SIPA1L3: variants seen among roughly 807,000 people sequenced by gnomAD.
The protein encoded by SIPA1L3 is signal-induced proliferation-associated 1-like protein 3.
SIPA1L3 carries 59 observed loss-of-function variants against 150.1 expected under a neutral mutation model. The observed-to-expected ratio is 0.39, with a 90% confidence interval of 0.32 to 0.49. SIPA1L3 has a LOEUF of 0.49. Among genes scored for constraint, SIPA1L3 ranks in the 20% least tolerant of loss-of-function variants. SIPA1L3 has a pLI of 0.86. For missense variants in SIPA1L3, 2,211 were observed against 2,489.5 expected, an observed-to-expected ratio of 0.89 and a Z score of 2.38; for synonymous variants, 1,070 against 1,077.6, an observed-to-expected ratio of 0.99 and a Z score of 0.14.
chr19:38,014,879 C>T (rs146394130), intron 1 of SIPA1L3, among the ~76,000 whole-genome samples: 3 of 152,058 alleles, frequency 2.0e-5, no homozygotes, highest in African/African-American at 7.2e-5. Flanking sequence ...CTGTGTTAGC[C>T]AGGATGGTCT....
intron 9 of SIPA1L3, among the ~76,000 whole-genome samples, chr19:38,130,226 G>A (rs1227794906): frequency 6.6e-6 from 1 of 152,190 alleles, no homozygotes; most frequent in Non-Finnish European, 1.5e-5. Flanking sequence ...GAGGGAGTTC[G>A]GGGCCTTTGG....
intron 3 of SIPA1L3, among the ~76,000 whole-genome samples, chr19:38,088,011 G>GA (rs1248172187): frequency 2.1e-4 from 31 of 149,324 alleles, no homozygotes; most frequent in African/African-American, 5.8e-4. Context: ...GTCTCAAAAA[G>GA]AAAAAAAAAG....
Position 38,043,255 on chromosome 19 carries a change from G to T in SIPA1L3, c.-311+14099G>T, listed in dbSNP as rs865882668. Among the ~76,000 whole-genome samples the T allele has an allele frequency of 1.1e-4, 17 of 152,248 alleles. 1 individual carries two copies. Among genetic ancestry groups the T allele is most frequent in the South Asian group, 2.1e-4 (1 of 4,818 alleles). ...CTGGGGAGGCTGAGGCAGGAGAATC[G>T]CTTGAACCTGGGAGGCGGAGGTTGC... On this transcript the variant is annotated intron_variant, in intron 2 of 21. Transcript: ENST00000222345.
intron 1 of SIPA1L3, among the ~76,000 whole-genome samples, chr19:38,018,756 C>T (rs1045996291): frequency 6.6e-6 from 1 of 152,188 alleles, no homozygotes; most frequent in African/African-American, 2.4e-5. Context: ...GTTCTCACCA[C>T]TGAACTTATA....
chr19:38,009,456 C>G (rs1267506183), intron 1 of SIPA1L3, among the ~76,000 whole-genome samples: 1 of 152,164 alleles, frequency 6.6e-6, no homozygotes, highest in Non-Finnish European at 1.5e-5. Flanking sequence ...CAAGAGACCT[C>G]CTCAGACATG....
intron 16 of SIPA1L3, chr19:38,185,277 C>A (rs764708403): frequency 3.3e-5 from 5 of 152,276 alleles, no homozygotes; most frequent in African/African-American, 4.8e-5. Context: ...AGGGCATGCT[C>A]CATCCTGAAC....
intron 10 of SIPA1L3, among the ~76,000 whole-genome samples, chr19:38,137,428 A>G (rs959941253): frequency 6.6e-6 from 1 of 151,500 alleles, no homozygotes; most frequent in African/African-American, 2.4e-5. Flanking sequence ...ACCTCAGGTG[A>G]TCCACCCGCC....
chr19:37,959,184 A>G (rs1000575409), intron 1 of SIPA1L3, among the ~76,000 whole-genome samples: 1 of 152,250 alleles, frequency 6.6e-6, no homozygotes, highest in Non-Finnish European at 1.5e-5. Flanking sequence ...CTAGGTATAT[A>G]CTCAAATACT....
chr19:38,192,173 T>C lies in SIPA1L3; in HGVS notation c.4459T>C (p.Phe1487Leu), dbSNP rs1424416403. 2 of 1,610,766 alleles carry C rather than the reference T, an allele frequency of 1.2e-6. No homozygotes were observed. Among genetic ancestry groups the C allele is most frequent in the Non-Finnish European group, 1.7e-6 (2 of 1,178,786 alleles). ...GGTGGACACGAACACCAAAAATGTCTTTGGGCAACCGAGGTTGAGGGCATC... is the reference window on the plus strand; with the variant it reads ...GGTGGACACGAACACCAAAAATGTCCTTGGGCAACCGAGGTTGAGGGCATC... ...KQVDTNTKNVFGQPRLRASLR... is the reference protein window; with the variant it reads ...KQVDTNTKNVLGQPRLRASLR... Residue 1487 changes from phenylalanine to leucine, a missense_variant, in exon 17 of 22, where the codon TTT becomes CTT. Physicochemically the swap from Phe to Leu is conservative, Grantham distance 22. This residue lies in a region of SIPA1L3 where 806 missense variants were observed against 870.1 expected (regional missense o/e 0.93). Coordinates refer to ENST00000222345, the MANE Select transcript of SIPA1L3 (RefSeq NM_015073.3).
Position 38,201,940 on chromosome 19 carries a change from A to G in SIPA1L3, c.5063A>G (p.His1688Arg). ...PDIPPAHSPV[H>R]SHLSLERGPP... is the part of the protein sequence containing the mutation. ...ATCCCGCCTGCACACAGTCCTGTCC[A>G]CAGCCACCTGAGCCTGGAGAGGGGA... The change falls in exon 20 of 22, where the codon CAC becomes CGC. Residue 1688 changes from histidine (H) to arginine (R), a missense_variant. This residue lies in a region of SIPA1L3 where 806 missense variants were observed against 870.1 expected (regional missense o/e 0.93). Coordinates refer to ENST00000222345, the MANE Select transcript of SIPA1L3 (RefSeq NM_015073.3). 1.9e-6 allele frequency: 3 copies of G among 1,613,738 alleles called. No homozygotes were observed. The highest frequency in any genetic ancestry group is 1.3e-5 in the African/African-American group (1 of 74,996).
intron 2 of SIPA1L3, among the ~76,000 whole-genome samples, chr19:38,063,336 G>A (rs566437846): frequency 6.6e-6 from 1 of 152,176 alleles, no homozygotes; most frequent in Admixed American, 6.5e-5. Context: ...GTGGTGTTCC[G>A]GGTGGGCCCC....
At chr19:38,196,679 C>T (rs1972957286) in intron 18 of SIPA1L3, among the ~76,000 whole-genome samples, 3 of 149,870 alleles carry the variant, frequency 2.0e-5, no homozygotes, top group African/African-American at 4.9e-5. Flanking sequence ...AAGGGTGGAG[C>T]GTGGAGGTCA....
intron 2 of SIPA1L3, among the ~76,000 whole-genome samples, chr19:38,065,465 G>A (rs186601198): frequency 2.7e-5 from 4 of 150,326 alleles, no homozygotes; most frequent in Non-Finnish European, 1.5e-5. Context: ...GCCCAGGCTG[G>A]AGTACAGTGG....
intron 1 of SIPA1L3, among the ~76,000 whole-genome samples, chr19:38,016,948 G>A (rs1292416859): frequency 7.7e-6 from 1 of 129,268 alleles, no homozygotes; most frequent in Non-Finnish European, 1.5e-5. Context: ...CCAGGCTGGA[G>A]TGCAGTGGCG....
At chr19:38,040,456 G>C (rs1455456460) in intron 2 of SIPA1L3, among the ~76,000 whole-genome samples, 1 of 151,960 alleles carries the variant, frequency 6.6e-6, no homozygotes, top group African/African-American at 2.4e-5. Context: ...AGATGTTTAA[G>C]GACAGTTACT....
chr19:38,187,715 C>CAAAAAAAAAAAAAAAA (rs34187992), intron 16 of SIPA1L3, among the ~76,000 whole-genome samples: 1 of 59,532 alleles, frequency 1.7e-5, no homozygotes, highest in Non-Finnish European at 2.9e-5. Context: ...GACTCCGTCT[C>CAAAAAAAAAAAAAAAA]AAAAAAAAAA....
chr19:37,957,756 A>G (rs1033209766), intron 1 of SIPA1L3, among the ~76,000 whole-genome samples: 2 of 152,074 alleles, frequency 1.3e-5, no homozygotes, highest in Non-Finnish European at 2.9e-5. Context: ...TCTGTTGCCC[A>G]GGCTGGTGTA....
At chr19:38,159,874 T>C (rs1972038399) in intron 13 of SIPA1L3, among the ~76,000 whole-genome samples, 1 of 152,230 alleles carries the variant, frequency 6.6e-6, no homozygotes, top group African/African-American at 2.4e-5. Flanking sequence ...TTGAATACCA[T>C]AGTGATCAAA....
intron 2 of SIPA1L3, among the ~76,000 whole-genome samples, chr19:38,033,733 G>C (rs1968710843): frequency 6.6e-6 from 1 of 152,018 alleles, no homozygotes; most frequent in Admixed American, 6.6e-5. Context: ...ATGGGGAGTA[G>C]ATACAGCTGA....
Sources: allele counts gnomAD v4.1 joint callset (sites outside exome capture counted in the v4.1 genomes callset), GRCh38; gene constraint gnomAD v4.1.1; regional missense constraint gnomAD v4.1.1; transcripts MANE v1.5; gene names NCBI Gene and HGNC (gene_info 2026-07-23, HGNC 2026-07-21).